The following CLIC5 variants were observed in gnomAD, a reference collection of about 807,000 sequenced individuals.
The protein encoded by CLIC5 is CLIC family member 5.
Under a neutral mutation model 24.7 loss-of-function variants are expected in CLIC5, and 20 were observed. That is an observed-to-expected ratio of 0.81 (90% CI 0.57 to 1.18). The LOEUF (loss-of-function observed/expected upper bound fraction) is 1.18, where lower values mean the gene tolerates loss of function less well. Ranked by LOEUF, CLIC5 falls within the 50% of genes most tolerant of loss-of-function variation. The pLI is 0.00. For missense variants in CLIC5, 341 were observed against 326.1 expected (o/e 1.05, Z -0.35); for synonymous variants, 159 against 135.6 (o/e 1.17, Z -1.20).
intron 6 of CLIC5, among the ~76,000 whole-genome samples, chr6:45,887,299 A>G (rs753790684): frequency 9.2e-5 from 14 of 152,296 alleles, no homozygotes; most frequent in East Asian, 5.8e-4. Flanking sequence ...ACACTTTTCT[A>G]GTGCCTCTAG....
chr6:45,886,561 T>C (rs1762307740), intron 6 of CLIC5, among the ~76,000 whole-genome samples: 1 of 152,158 alleles, frequency 6.6e-6, no homozygotes, highest in South Asian at 2.1e-4. Flanking sequence ...GAATGGGGCG[T>C]TTGATTTATG....
chr6:46,013,435 G>A (rs921062643), intron 1 of CLIC5, among the ~76,000 whole-genome samples: 3 of 152,208 alleles, frequency 2.0e-5, no homozygotes, highest in Non-Finnish European at 4.4e-5. Flanking sequence ...ACTTGTAAAT[G>A]AGAACTGCTA....
intron 1 of CLIC5, among the ~76,000 whole-genome samples, chr6:45,996,216 G>A (rs1242303709): frequency 6.6e-6 from 1 of 152,094 alleles, no homozygotes; most frequent in Non-Finnish European, 1.5e-5. Flanking sequence ...CAAAAGAGAA[G>A]TGGGGTTAGA....
chr6:46,086,799 G>A, the CLIC5 span, among the ~76,000 whole-genome samples: 5 of 152,238 alleles, frequency 3.3e-5, no homozygotes, highest in African/African-American at 7.2e-5. Context: ...ATTTTGATAT[G>A]GGCACAGGGA....
At chr6:45,891,364 G>A (rs565162446) in intron 6 of CLIC5, among the ~76,000 whole-genome samples, 4 of 152,076 alleles carry the variant, frequency 2.6e-5, no homozygotes, top group East Asian at 1.9e-4. Context: ...TGGACCGGGC[G>A]CAGTGGCTCA....
chr6:46,067,920 C>T (rs1762487157), intron 1 of CLIC5, among the ~76,000 whole-genome samples: 1 of 152,104 alleles, frequency 6.6e-6, no homozygotes, highest in South Asian at 2.1e-4. Flanking sequence ...AAGTTATGTC[C>T]ACCTGGAACC....
intron 1 of CLIC5, among the ~76,000 whole-genome samples, chr6:46,011,216 C>T (rs762366529): frequency 2.0e-5 from 3 of 152,214 alleles, no homozygotes; most frequent in Non-Finnish European, 2.9e-5. Context: ...CTTAATAGTT[C>T]GTCAGCATCT....
At position 46,015,525 on chromosome 6, in the gene CLIC5, T is replaced by G; in HGVS notation, c.18A>C (p.Thr6=). Residue 6 remains threonine, a synonymous_variant, in exon 1 of 6, where the codon ACA becomes ACC. Transcript: ENST00000339561. MTDSA[T]ANGDDRDPEI... ...CGGGGTCCCTGTCGTCCCCGTTAGCTGTCGCCGAGTCTGTCATGCCGTTGG... is the reference window on the plus strand; with the variant it reads ...CGGGGTCCCTGTCGTCCCCGTTAGCGGTCGCCGAGTCTGTCATGCCGTTGG... 6.3e-7 allele frequency: 1 copy of G among 1,578,466 alleles called. No individual in the cohort carries two copies. The highest frequency in any genetic ancestry group is 8.6e-7 in the Non-Finnish European group (1 of 1,163,926).
intron 4 of CLIC5, among the ~76,000 whole-genome samples, chr6:45,936,287 C>T (rs1208622062): frequency 2.7e-5 from 4 of 149,904 alleles, no homozygotes; most frequent in Non-Finnish European, 4.4e-5. Context: ...TCACTGCAAC[C>T]TCCGCCTCCC....
At chr6:46,053,005 A>C (rs1358032332) in intron 1 of CLIC5, among the ~76,000 whole-genome samples, 1 of 152,178 alleles carries the variant, frequency 6.6e-6, no homozygotes, top group African/African-American at 2.4e-5. Context: ...AATTAAGAAC[A>C]TAACTGCTAA....
chr6:45,953,415 A>G (rs1400119232), intron 2 of CLIC5, among the ~76,000 whole-genome samples: 2 of 152,074 alleles, frequency 1.3e-5, no homozygotes, highest in Non-Finnish European at 2.9e-5. Context: ...GGGTATGAGT[A>G]GGCCTTACAG....
At position 45,902,382 on chromosome 6, in the gene CLIC5, C is replaced by T. The variant is rs1459091720; in HGVS notation, c.*706G>A. The T allele has an allele frequency of 6.5e-6, 1 of 152,876 alleles. No individual in the cohort carries two copies. The highest frequency in any genetic ancestry group is 2.4e-5 in the African/African-American group (1 of 41,470). 9.5% of individuals were successfully genotyped at this position (152,876 alleles called of 1,614,324 possible). A position where few individuals can be genotyped will look rare whatever the true frequency, so the allele number is the denominator to read the frequency against. Reference sequence around the variant, plus strand: ...AGTCACTGCAGTTTAGAATTGCATGCCAATTTCCTTTTCTGGCAGGGCCTG... The same window carrying T: ...AGTCACTGCAGTTTAGAATTGCATGTCAATTTCCTTTTCTGGCAGGGCCTG... On this transcript the variant is annotated 3_prime_UTR_variant, in exon 6 of 6. Transcript: ENST00000339561.
intron 1 of CLIC5, among the ~76,000 whole-genome samples, chr6:46,076,503 G>C (rs1442045972): frequency 6.6e-6 from 1 of 152,186 alleles, no homozygotes; most frequent in Non-Finnish European, 1.5e-5. Flanking sequence ...AACAGGGCGA[G>C]AAGAGGTGAT....
At chr6:46,105,063 G>A in the CLIC5 span, among the ~76,000 whole-genome samples, 3 of 152,058 alleles carry the variant, frequency 2.0e-5, no homozygotes, top group African/African-American at 7.3e-5. Flanking sequence ...GCTTTTGAGT[G>A]GGGCATATGG....
chr6:45,927,748 C>A (rs2127345159), intron 4 of CLIC5, among the ~76,000 whole-genome samples: 1 of 152,240 alleles, frequency 6.6e-6, no homozygotes, highest in Non-Finnish European at 1.5e-5. Context: ...AGTTTACTGT[C>A]CTTTGATGAG....
At chr6:46,076,099 C>T (rs1189107545) in intron 1 of CLIC5, among the ~76,000 whole-genome samples, 2 of 152,220 alleles carry the variant, frequency 1.3e-5, no homozygotes, top group South Asian at 2.1e-4. Flanking sequence ...GGTGGCCATA[C>T]TGTTCCTTCC....
At position 45,901,009 on chromosome 6, in the gene CLIC5, A is replaced by G. The variant is rs886901131; in HGVS notation, c.*2079T>C. Reference sequence around the variant, plus strand: ...ACAGATGTGTTTCCAGAACAGCCCAACTGTGGGTCTCAGGGAAGTAAACTG... The same window carrying G: ...ACAGATGTGTTTCCAGAACAGCCCAGCTGTGGGTCTCAGGGAAGTAAACTG... On this transcript the variant is annotated 3_prime_UTR_variant, in exon 6 of 6. Coordinates refer to ENST00000339561, the MANE Select transcript of CLIC5 (RefSeq NM_016929.5). 6.6e-6 allele frequency: 1 copy of G among 152,148 alleles called. No homozygotes were observed. The highest frequency in any genetic ancestry group is 2.4e-5 in the African/African-American group (1 of 41,426). The allele number at this position is 152,148 out of a possible 1,614,324, so 9.4% of individuals were successfully genotyped here.
chr6:45,958,876 G>A (rs1407136562), intron 1 of CLIC5, among the ~76,000 whole-genome samples: 1 of 152,050 alleles, frequency 6.6e-6, no homozygotes, highest in African/African-American at 2.4e-5. Flanking sequence ...GCTGAGGGGA[G>A]GGTGATGTCC....
chr6:46,065,526 C>T (rs972815092), intron 1 of CLIC5, among the ~76,000 whole-genome samples: 4 of 152,070 alleles, frequency 2.6e-5, no homozygotes, highest in Non-Finnish European at 5.9e-5. Flanking sequence ...CAAGTGCCCT[C>T]AACTGCTGAA....
Sources: gnomAD v4.1 joint callset for allele counts (sites outside exome capture counted in the v4.1 genomes callset) on GRCh38, gnomAD v4.1.1 for gene constraint, MANE v1.5 for transcripts, NCBI Gene and HGNC (gene_info 2026-07-23, HGNC 2026-07-21) for gene names.